MAGI2: variants seen among roughly 807,000 people sequenced by gnomAD.
MAGI2 encodes the protein membrane-associated guanylate kinase, WW and PDZ domain-containing protein 2.
In MAGI2, 35 loss-of-function variants were observed where a neutral mutation model predicts 133.3. That is an observed-to-expected ratio of 0.26 (90% CI 0.20 to 0.35). The LOEUF (loss-of-function observed/expected upper bound fraction) is 0.35, where lower values mean the gene tolerates loss of function less well. Among genes scored for constraint, MAGI2 ranks in the 10% least tolerant of loss-of-function variants. MAGI2 has a pLI of 1.00. For missense variants in MAGI2, 1,636 were observed against 1,863.4 expected (o/e 0.88, Z 2.25); for synonymous variants, 729 against 710.6 (o/e 1.03, Z -0.41).
chr7:79,000,968 G>T (rs147305501), intron 2 of MAGI2, among the ~76,000 whole-genome samples: 1 of 152,192 alleles, frequency 6.6e-6, no homozygotes, highest in Non-Finnish European at 1.5e-5. Flanking sequence ...CCAGGCTGGA[G>T]TATAGTAGCA....
intron 2 of MAGI2, among the ~76,000 whole-genome samples, chr7:78,734,359 G>C (rs991430607): frequency 6.6e-6 from 1 of 152,068 alleles, no homozygotes; most frequent in Non-Finnish European, 1.5e-5. Flanking sequence ...AAATTAGAAG[G>C]AAGCACTAAA....
At chr7:79,296,044 C>T (rs968985176) in intron 1 of MAGI2, among the ~76,000 whole-genome samples, 5 of 152,082 alleles carry the variant, frequency 3.3e-5, no homozygotes, top group Non-Finnish European at 2.9e-5. Context: ...TTTAACTTTC[C>T]TAATTGTGCA....
intron 2 of MAGI2, among the ~76,000 whole-genome samples, chr7:78,797,871 A>C (rs950823528): frequency 1.3e-5 from 2 of 151,720 alleles, no homozygotes; most frequent in Non-Finnish European, 2.9e-5. Context: ...GCCCAAGAGC[A>C]GTTCAAATAA....
chr7:79,418,168 C>T (rs1172364225), intron 1 of MAGI2, among the ~76,000 whole-genome samples: 1 of 151,722 alleles, frequency 6.6e-6, no homozygotes, highest in East Asian at 1.9e-4. Flanking sequence ...AATGGTGCAC[C>T]TTAAATCAAT....
chr7:79,216,926 A>T (rs557584798), intron 1 of MAGI2, among the ~76,000 whole-genome samples: 2 of 152,182 alleles, frequency 1.3e-5, no homozygotes, highest in East Asian at 3.9e-4. Context: ...TTTAGTCATT[A>T]ACTTCTAATT....
chr7:78,797,244 C>T lies in MAGI2; in HGVS notation c.419-170005G>A, dbSNP rs1452604536. Reference sequence around the variant, plus strand: ...CATGTATCAAAATATCATATGTACCCCCACAATATATAAAACTATATCAAT... The same window carrying T: ...CATGTATCAAAATATCATATGTACCTCCACAATATATAAAACTATATCAAT... On this transcript the variant is annotated intron_variant, in intron 2 of 21. Coordinates refer to ENST00000354212, the MANE Select transcript of MAGI2 (RefSeq NM_012301.4). Among the ~76,000 whole-genome samples, 6 of 151,884 alleles carry T rather than the reference C, an allele frequency of 4.0e-5. No homozygotes were observed. In the East Asian group the frequency reaches 1.2e-3, roughly 29 times the overall value.
At chr7:79,170,972 G>T (rs1054202269) in intron 1 of MAGI2, among the ~76,000 whole-genome samples, 1 of 152,074 alleles carries the variant, frequency 6.6e-6, no homozygotes, top group African/African-American at 2.4e-5. Flanking sequence ...TTATTGGGCA[G>T]TCATTCACAA....
chr7:79,411,686 A>G (rs1299021429), intron 1 of MAGI2: 2 of 152,136 alleles, frequency 1.3e-5, no homozygotes, highest in Non-Finnish European at 2.9e-5. Context: ...TTACAGCAGC[A>G]TTACAAAGTT....
rs147464798 is a variant in MAGI2, at chr7:78,286,059, A to G, written c.1409-29478T>C. ...AAATTAGAATAAAGTGCACTGCATT[A>G]CTAAGCAATATTACTCTTTGAAATG... On this transcript the variant is annotated intron_variant, in intron 9 of 21. Coordinates refer to ENST00000354212, the MANE Select transcript of MAGI2 (RefSeq NM_012301.4). 8.0e-4 allele frequency among the ~76,000 whole-genome samples: 122 copies of G among 152,318 alleles called. 1 individual carries two copies. The highest frequency in any genetic ancestry group is 2.8e-3 in the African/African-American group (118 of 41,576).
At chr7:79,009,449 T>C (rs1807825569) in intron 1 of MAGI2, among the ~76,000 whole-genome samples, 1 of 152,156 alleles carries the variant, frequency 6.6e-6, no homozygotes, top group Non-Finnish European at 1.5e-5. Context: ...TGGAAGGATT[T>C]CTCTTTCCTC....
At chr7:78,147,911 T>C (rs149442923) in intron 16 of MAGI2, among the ~76,000 whole-genome samples, 3,207 of 151,584 alleles carry the variant, frequency 0.021, 49 homozygotes, top group South Asian at 0.029. Context: ...AAAAAAACCA[T>C]AAAACCTAAA....
intron 1 of MAGI2, among the ~76,000 whole-genome samples, chr7:79,105,019 A>G (rs971130118): frequency 6.6e-6 from 1 of 152,190 alleles, no homozygotes; most frequent in South Asian, 2.1e-4. Flanking sequence ...GGAAAATTCT[A>G]TTCATTGTTG....
rs540221242 is a variant in MAGI2, at chr7:78,850,748, T to C, written c.418+156342A>G. ...TCTGACTTATTTGTTTAAAGCAGTC[T>C]GTGCTACAAAGTCTTGCTATGCCCC... On this transcript the variant is annotated intron_variant, in intron 2 of 21. Transcript: ENST00000354212. Among the ~76,000 whole-genome samples the C allele has an allele frequency of 2.0e-5, 3 of 152,216 alleles. No individual in the cohort carries two copies. In the South Asian group the frequency reaches 6.2e-4, roughly 32 times the overall value.
At chr7:78,257,060 A>G (rs1328235810) in intron 9 of MAGI2, among the ~76,000 whole-genome samples, 1 of 152,160 alleles carries the variant, frequency 6.6e-6, no homozygotes, top group Non-Finnish European at 1.5e-5. Flanking sequence ...TATGGAACAG[A>G]AAAATATTTG....
intron 1 of MAGI2, among the ~76,000 whole-genome samples, chr7:79,045,964 C>G (rs1369730326): frequency 6.6e-6 from 1 of 152,090 alleles, no homozygotes; most frequent in African/African-American, 2.4e-5. Flanking sequence ...TGTCAAATTG[C>G]TGGTTTTGAC....
chr7:79,176,900 C>A (rs1481123951), intron 1 of MAGI2: 1 of 151,782 alleles, frequency 6.6e-6, no homozygotes, highest in African/African-American at 2.4e-5. Context: ...TCCATGTGTC[C>A]CCCTCACTCT....
intron 3 of MAGI2, among the ~76,000 whole-genome samples, chr7:78,552,959 C>T (rs373374283): frequency 1.3e-5 from 2 of 152,012 alleles, no homozygotes; most frequent in Non-Finnish European, 2.9e-5. Context: ...CAGGCAATTG[C>T]TATGGATATG....
At chr7:78,623,664 G>A (rs1807992177) in intron 3 of MAGI2, among the ~76,000 whole-genome samples, 2 of 152,084 alleles carry the variant, frequency 1.3e-5, no homozygotes, top group South Asian at 4.1e-4. Flanking sequence ...TTAGGCAAAT[G>A]TCTCCACCTA....
chr7:78,540,595 C>T (rs1798331883), intron 3 of MAGI2, among the ~76,000 whole-genome samples: 1 of 152,076 alleles, frequency 6.6e-6, no homozygotes, highest in Non-Finnish European at 1.5e-5. Flanking sequence ...GTTTGCCACC[C>T]CCACCAGATT....
Sources: allele counts gnomAD v4.1 joint callset (sites outside exome capture counted in the v4.1 genomes callset), GRCh38; gene constraint gnomAD v4.1.1; transcripts MANE v1.5; gene names NCBI Gene and HGNC (gene_info 2026-07-23, HGNC 2026-07-21).